The following ZNF34 variants were observed in gnomAD, a reference collection of about 807,000 sequenced individuals.
The protein encoded by ZNF34 is zinc finger protein 34 (KOX 32).
A neutral mutation model predicts 14.4 loss-of-function variants in ZNF34; 8 were observed. The ratio of observed to expected loss-of-function variants is 0.55; its 90% CI spans 0.33 to 1.00. The LOEUF is 1.00. Ranked by LOEUF, ZNF34 falls within the 50% of genes least tolerant of loss-of-function variation. The pLI is 0.03. For missense variants in ZNF34, 538 were observed against 674.2 expected (o/e 0.80, Z 2.24); for synonymous variants, 235 against 247.9 (o/e 0.95, Z 0.49).
intron 1 of ZNF34, among the ~76,000 whole-genome samples, chr8:144,786,258 G>A (rs568822433): frequency 8.6e-5 from 13 of 152,042 alleles, no homozygotes; most frequent in African/African-American, 3.1e-4. Flanking sequence ...CAAAGTGCTG[G>A]GATTGCAGGC....
chr8:144,785,715 C>T (rs904634441), intron 1 of ZNF34: 2 of 152,218 alleles, frequency 1.3e-5, no homozygotes, highest in African/African-American at 4.8e-5. Flanking sequence ...AGAAATATGT[C>T]TGGCCCTACC....
chr8:144,781,449 A>G lies in ZNF34; in HGVS notation c.-107-1169T>C, dbSNP rs192303408. Among the ~76,000 whole-genome samples, 1,421 of 151,846 alleles carry G rather than the reference A, an allele frequency of 9.4e-3. 14 individuals carry two copies. Among genetic ancestry groups the G allele is most frequent in the Middle Eastern group, 0.02 (6 of 294 alleles). Reference sequence around the variant, plus strand: ...TTTTTTGTATTTTTAGTAGAGACGGAGTTTCACCGTGCTGGCCAGGATGGT... The same window carrying G: ...TTTTTTGTATTTTTAGTAGAGACGGGGTTTCACCGTGCTGGCCAGGATGGT... On this transcript the variant is annotated intron_variant, in intron 1 of 5. Coordinates refer to ENST00000429371, the MANE Select transcript of ZNF34 (RefSeq NM_001286769.2).
rs1023315836 is a variant in ZNF34, at chr8:144,779,110, G to A, written c.-54-585C>T. 6.6e-6 allele frequency among the ~76,000 whole-genome samples: 1 copy of A among 151,348 alleles called. No homozygotes were observed. Among genetic ancestry groups the A allele is most frequent in the African/African-American group, 2.4e-5 (1 of 41,130 alleles). ...CAGGGCTCAGGGCACAAAACCCCTT[G>A]TGGCTTGGATGGAATCCAGGGCTCA... On this transcript the variant is annotated intron_variant, in intron 2 of 5. Coordinates refer to ENST00000429371, the MANE Select transcript of ZNF34 (RefSeq NM_001286769.2). The surrounding 1 kb of genome is among the most constrained non-coding windows in gnomAD (Gnocchi z 4.1).
chr8:144,778,240 T>C lies in ZNF34; in HGVS notation c.34-76A>G, dbSNP rs1052307695. ...TAGGGGCGGGGAGGCAGCAGAAGCA[T>C]GCTAAAGGCAGCAGCACAGTGGGTG... On this transcript the variant is annotated intron_variant, in intron 3 of 5. Coordinates refer to ENST00000429371, the MANE Select transcript of ZNF34 (RefSeq NM_001286769.2). 5 of 1,549,434 alleles carry C rather than the reference T, an allele frequency of 3.2e-6. No homozygotes were observed. The African/African-American group carries it at 5.5e-5, about 17-fold the overall frequency.
intron 1 of ZNF34, among the ~76,000 whole-genome samples, chr8:144,782,861 A>G (rs922131253): frequency 9.5e-4 from 142 of 148,898 alleles, no homozygotes; most frequent in Non-Finnish European, 1.7e-3. Flanking sequence ...AAAAAAAAAA[A>G]AAAAAAAAAA....
intron 1 of ZNF34, among the ~76,000 whole-genome samples, chr8:144,784,362 G>T (rs998103826): frequency 6.6e-6 from 1 of 151,526 alleles, no homozygotes; most frequent in Non-Finnish European, 1.5e-5. Flanking sequence ...ACAATAAATG[G>T]TATTGGCACA....
chr8:144,783,451 G>T (rs1459488710), intron 1 of ZNF34, among the ~76,000 whole-genome samples: 3 of 152,122 alleles, frequency 2.0e-5, no homozygotes, highest in Admixed American at 6.6e-5. Context: ...CTTTGAGAAT[G>T]ATAAAAATAA....
rs191986416 is a variant in ZNF34 at position 144,779,223 on chromosome 8, G to A, written c.-54-698C>T. 2.0e-5 allele frequency among the ~76,000 whole-genome samples: 3 copies of A among 152,284 alleles called. No homozygotes were observed. In the East Asian group the frequency reaches 5.8e-4, roughly 29 times the overall value. On this transcript the variant is annotated intron_variant, in intron 2 of 5. Transcript: ENST00000429371. This position sits in a 1 kb window ranked among gnomAD's most constrained non-coding sequence, Gnocchi z 4.1. ...CTCTGGAATGTGCACAGACTTGTTG[G>A]TTCCTTGCTTCTTGCTCTCCCAGGC...
At chr8:144,781,458 G>A (rs943193887) in intron 1 of ZNF34, among the ~76,000 whole-genome samples, 4 of 151,812 alleles carry the variant, frequency 2.6e-5, no homozygotes, top group Non-Finnish European at 4.4e-5. Context: ...GAGTTTCACC[G>A]TGCTGGCCAG....
In ZNF34 at chr8:144,777,867, C is replaced by G. The variant is rs1280088264; in HGVS notation, c.160+171G>C. On this transcript the variant is annotated intron_variant, in intron 4 of 5. Coordinates refer to ENST00000429371, the MANE Select transcript of ZNF34 (RefSeq NM_001286769.2). The surrounding 1 kb of genome is among the most constrained non-coding windows in gnomAD (Gnocchi z 4.8). ...GGGCGAGAGGGAAGGGAAGGGCTGA[C>G]TCAGGAAGGTCCCAGCACTGCTCTT... Among the ~76,000 whole-genome samples the G allele has an allele frequency of 2.0e-5, 3 of 152,106 alleles. No individual in the cohort carries two copies.
intron 1 of ZNF34, among the ~76,000 whole-genome samples, chr8:144,785,918 A>G (rs1826200402): frequency 6.6e-6 from 1 of 152,064 alleles, no homozygotes; most frequent in Admixed American, 6.6e-5. Context: ...GAGATAGAGC[A>G]CAGTTATAAG....
chr8:144,773,948 G>A lies in ZNF34; in HGVS notation c.938C>T (p.Pro313Leu). 6.2e-7 allele frequency: 1 copy of A among 1,614,074 alleles called. No individual in the cohort carries two copies. Among genetic ancestry groups the A allele is most frequent in the East Asian group, 2.2e-5 (1 of 44,888 alleles). The stretch of plus-strand genomic sequence containing the variant: ...CTTCCCACACTCCCCACACTTGTAG[G>A]GTTTCTCCCCAGTGTGAATCCTCTG... ...KHQRIHTGEKPYKCGECGKHF... is the reference protein window; with the variant it reads ...KHQRIHTGEKLYKCGECGKHF... The change falls in exon 6 of 6, where the codon CCC (proline) becomes CTC (leucine). Residue 313 changes from proline to leucine, a missense_variant. Physicochemically the swap from Pro to Leu is moderately conservative, Grantham distance 98. Coordinates refer to ENST00000429371, the MANE Select transcript of ZNF34 (RefSeq NM_001286769.2). This position sits in a 1 kb window ranked among gnomAD's most constrained non-coding sequence, Gnocchi z 5.4.
chr8:144,776,308 T>A (rs1825509764), intron 5 of ZNF34, among the ~76,000 whole-genome samples: 1 of 143,310 alleles, frequency 7.0e-6, no homozygotes, highest in Non-Finnish European at 1.5e-5. Context: ...CAAGACTCTG[T>A]CTCAAAAAAA....
chr8:144,784,527 A>C (rs1007982796), intron 1 of ZNF34, among the ~76,000 whole-genome samples: 3 of 150,790 alleles, frequency 2.0e-5, no homozygotes, highest in African/African-American at 7.3e-5. Context: ...TGGGAGGCCG[A>C]GGTGAGTGGA....
In ZNF34 at chr8:144,779,069, T is replaced by G. The variant is rs1825711527; in HGVS notation, c.-54-544A>C. 6.6e-6 allele frequency among the ~76,000 whole-genome samples: 1 copy of G among 152,032 alleles called. No homozygotes were observed. Among genetic ancestry groups the G allele is most frequent in the Non-Finnish European group, 1.5e-5 (1 of 68,020 alleles). ...CTAAGCCAAGGCATAAAAACCCTCATGGCTTGGATGGAATCCAGGGCTCAG... is the reference window on the plus strand; with the variant it reads ...CTAAGCCAAGGCATAAAAACCCTCAGGGCTTGGATGGAATCCAGGGCTCAG... On this transcript the variant is annotated intron_variant, in intron 2 of 5. Transcript: ENST00000429371. This position sits in a 1 kb window ranked among gnomAD's most constrained non-coding sequence, Gnocchi z 4.1.
chr8:144,785,788 T>C (rs1826190863), intron 1 of ZNF34, among the ~76,000 whole-genome samples: 1 of 152,116 alleles, frequency 6.6e-6, no homozygotes, highest in Non-Finnish European at 1.5e-5. Flanking sequence ...ATGTACTTTA[T>C]GGAGACTCTT....
At chr8:144,781,291 C>CTTTT (rs1825867400) in intron 1 of ZNF34, among the ~76,000 whole-genome samples, 1 of 147,790 alleles carries the variant, frequency 6.8e-6, no homozygotes, top group African/African-American at 2.5e-5. Flanking sequence ...TTTTTTTAGA[C>CTTTT]GGAGTCTTAC....
Position 144,778,530 on chromosome 8 carries a change from G to T in ZNF34, c.-54-5C>A, listed in dbSNP as rs772061853. ...CAGGAGCTGGTCACTGAGGAGCTGA[G>T]GGAAGAGAACGCAACAAGTGGAGGC... On this transcript the variant is annotated splice_polypyrimidine_tract_variant and splice_region_variant and intron_variant, in intron 2 of 5. Coordinates refer to ENST00000429371, the MANE Select transcript of ZNF34 (RefSeq NM_001286769.2). 1.1e-5 allele frequency: 17 copies of T among 1,562,766 alleles called. No homozygotes were observed. The South Asian group carries it at 1.9e-4, about 18-fold the overall frequency.
At position 144,778,122 on chromosome 8, in the gene ZNF34, C is replaced by G; in HGVS notation, c.76G>C (p.Glu26Gln). Residue 26 changes from glutamate to glutamine, a missense_variant, in exon 4 of 6, where the codon GAG becomes CAG. Transcript: ENST00000429371. ...FEDVAVYLSR[E>Q]EWGRLGPAQR... ...GCAGGGCCCAGGCGGCCCCATTCCT[C>G]CCGGGAGAGGTACACAGCCACGTCC... is the stretch of plus-strand genomic sequence containing the variant. The G allele has an allele frequency of 6.2e-7, 1 of 1,613,920 alleles. No homozygotes were observed. Among genetic ancestry groups the G allele is most frequent in the Non-Finnish European group, 8.5e-7 (1 of 1,179,902 alleles).
Sources: allele counts gnomAD v4.1 joint callset (sites outside exome capture counted in the v4.1 genomes callset), GRCh38; gene constraint gnomAD v4.1.1; non-coding constraint Gnocchi (gnomAD v3.1); transcripts MANE v1.5; gene names NCBI Gene and HGNC (gene_info 2026-07-23, HGNC 2026-07-21).